ITGA8: variants seen among roughly 807,000 people sequenced by gnomAD.
ITGA8 encodes integrin alpha-8.
A neutral mutation model predicts 142.3 loss-of-function variants in ITGA8; 91 were observed. The observed-to-expected ratio is 0.64, with a 90% CI of 0.54 to 0.76. The LOEUF (loss-of-function observed/expected upper bound fraction) is 0.76. Among genes scored for constraint, ITGA8 ranks in the 30% least tolerant of loss-of-function variants. ITGA8 has a pLI of 0.00. For missense variants in ITGA8, 1,406 were observed against 1,327.7 expected, an observed-to-expected ratio of 1.06 and a Z score of -0.92; for synonymous variants, 505 against 485.2, an observed-to-expected ratio of 1.04 and a Z score of -0.54.
At chr10:15,645,724 A>G (rs1029226266) in intron 12 of ITGA8, among the ~76,000 whole-genome samples, 6 of 152,234 alleles carry the variant, frequency 3.9e-5, no homozygotes, top group Admixed American at 3.3e-4. Flanking sequence ...CTTGAGTTCA[A>G]TCAAGAAATT....
intron 9 of ITGA8, among the ~76,000 whole-genome samples, chr10:15,660,106 T>C (rs1834257284): frequency 6.6e-6 from 1 of 152,254 alleles, no homozygotes; most frequent in Non-Finnish European, 1.5e-5. Flanking sequence ...ATTGCTTTTA[T>C]TTCTATTGTA....
intron 12 of ITGA8, among the ~76,000 whole-genome samples, chr10:15,644,821 C>T (rs1020845451): frequency 6.6e-6 from 1 of 151,612 alleles, no homozygotes; most frequent in Non-Finnish European, 1.5e-5. Flanking sequence ...GGGCCTGGCG[C>T]GGTGGCTCAC....
intron 19 of ITGA8, among the ~76,000 whole-genome samples, chr10:15,604,852 G>T (rs539612213): frequency 6.6e-6 from 1 of 152,260 alleles, no homozygotes; most frequent in African/African-American, 2.4e-5. Flanking sequence ...GAAATAATGA[G>T]AGGGAAGAAG....
At chr10:15,679,279 CT>C (rs1834691547) in intron 4 of ITGA8, among the ~76,000 whole-genome samples, 1 of 152,136 alleles carries the variant, frequency 6.6e-6, no homozygotes, top group South Asian at 2.1e-4. Flanking sequence ...TTAAGAGGAA[CT>C]TAATTTTAAA....
At chr10:15,679,240 A>G (rs1441838809) in intron 4 of ITGA8, among the ~76,000 whole-genome samples, 1 of 152,198 alleles carries the variant, frequency 6.6e-6, no homozygotes, top group Non-Finnish European at 1.5e-5. Flanking sequence ...CTTCTGGGCC[A>G]CCAATAAGCA....
rs1249949327 is a variant in ITGA8, at chr10:15,696,808, G to A, written c.344-8770C>T. ...GGAGTTCAAGGCTACAGTAAGCTACGATAGTGCCACCGCACTCCAGCCTGG... is the reference window on the plus strand; with the variant it reads ...GGAGTTCAAGGCTACAGTAAGCTACAATAGTGCCACCGCACTCCAGCCTGG... On this transcript the variant is annotated intron_variant, in intron 2 of 29. Coordinates refer to ENST00000378076, the MANE Select transcript of ITGA8 (RefSeq NM_003638.3). Among the ~76,000 whole-genome samples, 3 of 140,444 alleles carry A rather than the reference G, an allele frequency of 2.1e-5. No homozygotes were observed. In the East Asian group the frequency reaches 6.3e-4, roughly 29 times the overall value. The allele number at this position is 140,444 out of a possible 152,430, so 92.1% of individuals were successfully genotyped here.
At chr10:15,688,105 A>T (rs1394034980) in intron 2 of ITGA8, 67 bp from the exon 3 acceptor site, 3 of 1,032,484 alleles carry the variant, frequency 2.9e-6, no homozygotes, top group Non-Finnish European at 4.6e-6. Flanking sequence ...CACATAATAA[A>T]TTTGTACATT....
intron 8 of ITGA8, among the ~76,000 whole-genome samples, chr10:15,663,238 A>T (rs537526173): frequency 6.6e-6 from 1 of 152,324 alleles, no homozygotes; most frequent in Non-Finnish European, 1.5e-5. Flanking sequence ...ATGTTCCTTG[A>T]TAGTGCTTTT....
chr10:15,616,465 AT>A, intron 14 of ITGA8, 48 bp downstream of exon 14: 1 of 1,378,248 alleles, frequency 7.3e-7, no homozygotes, highest in Non-Finnish European at 1.0e-6. Context: ...TAACAAGAAA[AT>A]GTATTTGAAA....
At chr10:15,647,494 C>T (rs1022684655) in intron 11 of ITGA8, among the ~76,000 whole-genome samples, 2 of 118,068 alleles carry the variant, frequency 1.7e-5, no homozygotes, top group Non-Finnish European at 3.2e-5. Flanking sequence ...CTCGCTCTGT[C>T]GCCCAGGCCG....
intron 15 of ITGA8, among the ~76,000 whole-genome samples, chr10:15,610,736 A>T (rs1449008267): frequency 6.6e-6 from 1 of 152,142 alleles, no homozygotes; most frequent in Non-Finnish European, 1.5e-5. Flanking sequence ...TAAAAGTACA[A>T]AGCAATTCAT....
At chr10:15,535,638 T>C (rs1323812280) in intron 27 of ITGA8, among the ~76,000 whole-genome samples, 1 of 152,062 alleles carries the variant, frequency 6.6e-6, no homozygotes, top group Non-Finnish European at 1.5e-5. Context: ...AGAACCTTTG[T>C]GACTAGCTCA....
In ITGA8 at chr10:15,719,873, G is replaced by T; in HGVS notation, c.-102C>A. On this transcript the variant is annotated 5_prime_UTR_variant, in exon 1 of 30. Coordinates refer to ENST00000378076, the MANE Select transcript of ITGA8 (RefSeq NM_003638.3). ...AATCTGGCGGTCCCCAGCTGCCCGT[G>T]TCCCGGGTCGGTGCGCTCGGCGCAC... 1 of 928,080 alleles carries T rather than the reference G, an allele frequency of 1.1e-6. No homozygotes were observed. The highest frequency in any genetic ancestry group is 1.4e-6 in the Non-Finnish European group (1 of 700,426). 57.5% of individuals were successfully genotyped at this position (928,080 alleles called of 1,614,324 possible). A position where few individuals can be genotyped will look rare whatever the true frequency, so the allele number is the denominator to read the frequency against.
chr10:15,592,268 C>A lies in ITGA8; in HGVS notation c.2248G>T (p.Glu750Ter). ...AAGTTAATGCTCATGTTTGTTTTCT[C>A]AAGACGTGGAACTGCAAATCGGAGG... The part of the protein sequence containing the change: ...LGLRFAVPRL[E>*]KTNMSINFDL... The change falls in exon 22 of 30, where the codon GAG (glutamate) becomes TAG (stop). Residue 750 changes from glutamate (E) to a stop codon, truncating the protein, a stop_gained. Coordinates refer to ENST00000378076, the MANE Select transcript of ITGA8 (RefSeq NM_003638.3). LOFTEE classifies it high-confidence loss of function. 6.2e-7 allele frequency: 1 copy of A among 1,613,846 alleles called. No homozygotes were observed. The highest frequency in any genetic ancestry group is 8.5e-7 in the Non-Finnish European group (1 of 1,179,784).
chr10:15,572,535 C>A (rs1834205268), intron 24 of ITGA8, among the ~76,000 whole-genome samples, 166 bp from the exon 25 acceptor site: 1 of 152,164 alleles, frequency 6.6e-6, no homozygotes, highest in Non-Finnish European at 1.5e-5. Flanking sequence ...TGGCAAGAAG[C>A]ACTCTGAAAG....
At chr10:15,549,439 G>T (rs1228066875) in intron 26 of ITGA8, among the ~76,000 whole-genome samples, 1 of 152,022 alleles carries the variant, frequency 6.6e-6, no homozygotes, top group African/African-American at 2.4e-5. Context: ...TCGCACTCCT[G>T]ACCTCAGGTG....
At chr10:15,650,650 CCGG>C (rs1834068277) in intron 11 of ITGA8, among the ~76,000 whole-genome samples, 1 of 152,106 alleles carries the variant, frequency 6.6e-6, no homozygotes, top group Non-Finnish European at 1.5e-5. Context: ...CATCCAGTCT[CCGG>C]TATTCAATTA....
intron 2 of ITGA8, 43 bp downstream of exon 2, chr10:15,718,723 T>A (rs778712293): frequency 2.7e-5 from 44 of 1,606,712 alleles, no homozygotes; most frequent in Middle Eastern, 3.3e-4. Context: ...CCCTGGTTCT[T>A]CCAAACCCAG....
At chr10:15,664,862 T>C (rs200405781) in intron 8 of ITGA8, among the ~76,000 whole-genome samples, 6 of 150,354 alleles carry the variant, frequency 4.0e-5, no homozygotes, top group African/African-American at 7.4e-5. Flanking sequence ...TTTTTATGGC[T>C]GCATAGTATT....
Sources: gnomAD v4.1 joint callset for allele counts (sites outside exome capture counted in the v4.1 genomes callset) on GRCh38, gnomAD v4.1.1 for gene constraint, MANE v1.5 for transcripts, NCBI Gene and HGNC (gene_info 2026-07-23, HGNC 2026-07-21) for gene names.